The following MEGF9 variants were observed in gnomAD, a reference collection of about 807,000 sequenced individuals.
MEGF9 encodes the protein multiple epidermal growth factor-like domains protein 9.
In MEGF9, 6 loss-of-function variants were observed where a neutral mutation model predicts 46.8. That is an observed-to-expected ratio of 0.13 (90% CI 0.07 to 0.25). The LOEUF is 0.25. Ranked by LOEUF, MEGF9 falls within the 10% of genes least tolerant of loss-of-function variation. MEGF9 has a pLI of 1.00. For missense variants in MEGF9, 683 were observed against 792.4 expected (o/e 0.86, Z 1.66); for synonymous variants, 302 against 330.7 (o/e 0.91, Z 0.94).
At chr9:120,666,491 A>G (rs528545592) in intron 1 of MEGF9, among the ~76,000 whole-genome samples, 17 of 152,332 alleles carry the variant, frequency 1.1e-4, no homozygotes, top group Admixed American at 7.2e-4. Context: ...ACAAACAAAA[A>G]AACTGACAAT....
intron 1 of MEGF9, among the ~76,000 whole-genome samples, chr9:120,705,163 T>C (rs1358569208): frequency 6.6e-6 from 1 of 152,102 alleles, no homozygotes; most frequent in Non-Finnish European, 1.5e-5. Context: ...CTGAATATTG[T>C]ATAAAGGATG....
chr9:120,707,830 G>T (rs778373462), intron 1 of MEGF9, among the ~76,000 whole-genome samples: 1 of 152,148 alleles, frequency 6.6e-6, no homozygotes, highest in South Asian at 2.1e-4. Flanking sequence ...ATCATTTGAG[G>T]TCAGGAGTTC....
chr9:120,653,030 T>C (rs1411119667), intron 2 of MEGF9, among the ~76,000 whole-genome samples: 1 of 152,180 alleles, frequency 6.6e-6, no homozygotes, highest in Non-Finnish European at 1.5e-5. Context: ...CAAATTCCGC[T>C]CCCTTTCTAC....
intron 1 of MEGF9, 110 bp downstream of exon 1, chr9:120,713,648 C>CT: frequency 2.4e-6 from 3 of 1,230,424 alleles, no homozygotes; most frequent in Non-Finnish European, 3.0e-6. Flanking sequence ...GAGCCGGAAC[C>CT]TGGGGTGTCT....
At chr9:120,611,865 A>AGAGAGAGAGAGAGAGAGAGAGAG (rs572613293) in intron 4 of MEGF9, among the ~76,000 whole-genome samples, 1 of 137,154 alleles carries the variant, frequency 7.3e-6, no homozygotes, top group African/African-American at 3.0e-5. Flanking sequence ...GGAAGGAAGA[A>AGAGAGAGAGAGAGAGAGAGAGAG]AGAGAGAGAG....
At chr9:120,608,078 C>T (rs938940911) in intron 4 of MEGF9, 68 bp from the exon 5 acceptor site, 1 of 1,538,732 alleles carries the variant, frequency 6.5e-7, no homozygotes, top group Non-Finnish European at 8.9e-7. Context: ...AAAACAACTA[C>T]TAGTCCTTAA....
intron 1 of MEGF9, among the ~76,000 whole-genome samples, chr9:120,712,635 G>A (rs2043959028): frequency 6.6e-6 from 1 of 152,182 alleles, no homozygotes; most frequent in Non-Finnish European, 1.5e-5. Context: ...GATCAAGACT[G>A]TATTAAGGTT....
rs1288421210 is a variant in MEGF9 at position 120,602,621 on chromosome 9, A to G, written c.*2569T>C. 6.6e-6 allele frequency: 1 copy of G among 152,194 alleles called. No homozygotes were observed. Among genetic ancestry groups the G allele is most frequent in the African/African-American group, 2.4e-5 (1 of 41,444 alleles). The allele number at this position is 152,194 out of a possible 1,614,324, so 9.4% of individuals were successfully genotyped here. ...ACTTTCTTTGTGATTCAATTTTTCA[A>G]TACCTTTTAAGGTCTGTTTCAAGGA... On this transcript the variant is annotated 3_prime_UTR_variant, in exon 6 of 6. Coordinates refer to ENST00000373930, the MANE Select transcript of MEGF9 (RefSeq NM_001080497.3).
chr9:120,620,253 T>G (rs894833595), intron 3 of MEGF9, among the ~76,000 whole-genome samples: 1 of 152,230 alleles, frequency 6.6e-6, no homozygotes, highest in African/African-American at 2.4e-5. Context: ...TTTTCGGTAC[T>G]GTAAAAGATC....
chr9:120,675,028 G>T (rs931929131), intron 1 of MEGF9, among the ~76,000 whole-genome samples: 1 of 151,992 alleles, frequency 6.6e-6, no homozygotes. Context: ...ACAGGCACCA[G>T]CCATCATGTC....
At chr9:120,657,246 G>A (rs2043681308) in intron 2 of MEGF9, among the ~76,000 whole-genome samples, 1 of 152,158 alleles carries the variant, frequency 6.6e-6, no homozygotes, top group Non-Finnish European at 1.5e-5. Flanking sequence ...CCCTGCCCTA[G>A]GCCTTTAGAT....
At chr9:120,707,854 C>T (rs565174058) in intron 1 of MEGF9, among the ~76,000 whole-genome samples, 1 of 152,066 alleles carries the variant, frequency 6.6e-6, no homozygotes, top group South Asian at 2.1e-4. Flanking sequence ...ACCAGCCTGA[C>T]CAACATGGTG....
intron 1 of MEGF9, chr9:120,689,854 C>T: frequency 2.1e-6 from 1 of 477,680 alleles, no homozygotes. Flanking sequence ...TAAGACAGCA[C>T]CTTTACTTGC....
intron 1 of MEGF9, among the ~76,000 whole-genome samples, chr9:120,666,779 TG>T (rs1484886522): frequency 4.6e-5 from 7 of 152,180 alleles, no homozygotes; most frequent in Non-Finnish European, 1.0e-4. Flanking sequence ...GGATACACTA[TG>T]GTACATTCTC....
chr9:120,605,591 A>C lies in MEGF9; in HGVS notation c.1408T>G (p.Ser470Ala). The change falls in exon 6 of 6, where the codon TCT becomes GCT. Residue 470 changes from serine to alanine, a missense_variant. Coordinates refer to ENST00000373930, the MANE Select transcript of MEGF9 (RefSeq NM_001080497.3). This position sits in a 1 kb window ranked among gnomAD's most constrained non-coding sequence, Gnocchi z 4.0. ...GGGGTGGGCACTGATGTGGTCAAAG[A>C]GGCATTGGAAACCAAAATGGTAGAA... ...EGSTILVSNA[S>A]LTTSVPTPVI... 6.2e-7 allele frequency: 1 copy of C among 1,600,554 alleles called. No homozygotes were observed. The highest frequency in any genetic ancestry group is 8.5e-7 in the Non-Finnish European group (1 of 1,172,594).
At chr9:120,614,833 G>GT (rs2043464134) in intron 3 of MEGF9, among the ~76,000 whole-genome samples, 2 of 151,692 alleles carry the variant, frequency 1.3e-5, no homozygotes, top group Admixed American at 1.3e-4. Flanking sequence ...AAATTTGGAT[G>GT]TTCAGGGTAA....
In MEGF9 at chr9:120,714,027, G is replaced by A; in HGVS notation, c.332C>T (p.Pro111Leu). ...CGGCGCCTGAAAGGTGGTGGAAGAG[G>A]GTCCAGCAGTCGCCCAAAGAGGGGT... ...ETTPLWATAG[P>L]SSTTFQAPLG... The change falls in exon 1 of 6, where the codon CCC (proline) becomes CTC (leucine). Residue 111 changes from proline to leucine, a missense_variant. Pro to Leu is a moderately conservative substitution (Grantham distance 98). Transcript: ENST00000373930. 2 of 1,344,000 alleles carry A rather than the reference G, an allele frequency of 1.5e-6. No individual in the cohort carries two copies. Among genetic ancestry groups the A allele is most frequent in the Non-Finnish European group, 1.9e-6 (2 of 1,043,934 alleles). 83.3% of individuals were successfully genotyped at this position (1,344,000 alleles called of 1,614,324 possible). A position where few individuals can be genotyped will look rare whatever the true frequency, so the allele number is the denominator to read the frequency against.
At chr9:120,664,542 C>T (rs1437744525) in intron 1 of MEGF9, among the ~76,000 whole-genome samples, 2 of 152,288 alleles carry the variant, frequency 1.3e-5, no homozygotes, top group Non-Finnish European at 2.9e-5. Flanking sequence ...AGAAATGTTA[C>T]CCTGACAACA....
chr9:120,708,462 T>C (rs1231520651), intron 1 of MEGF9, among the ~76,000 whole-genome samples: 1 of 152,242 alleles, frequency 6.6e-6, no homozygotes, highest in Admixed American at 6.5e-5. Context: ...AAGTTCTAAA[T>C]TCTAGGGCTT....
Sources: allele counts gnomAD v4.1 joint callset (sites outside exome capture counted in the v4.1 genomes callset), GRCh38; gene constraint gnomAD v4.1.1; non-coding constraint Gnocchi (gnomAD v3.1); transcripts MANE v1.5; gene names NCBI Gene and HGNC (gene_info 2026-07-23, HGNC 2026-07-21).